Variants in KIAA1191 observed in about 807,000 individuals in gnomAD.
KIAA1191 encodes putative monooxygenase p33MONOX.
Under a neutral mutation model 31.1 loss-of-function variants are expected in KIAA1191, and 22 were observed. The observed-to-expected ratio is 0.71, with a 90% CI of 0.51 to 1.01. The LOEUF is 1.01. Ranked by LOEUF, KIAA1191 falls within the 50% of genes least tolerant of loss-of-function variation. The pLI is 0.00. For synonymous variants in KIAA1191, 130 were observed against 143.9 expected, an observed-to-expected ratio of 0.90 and a Z score of 0.69; for missense variants, 319 against 388.0, an observed-to-expected ratio of 0.82 and a Z score of 1.49.
At position 176,355,727 on chromosome 5, in the gene KIAA1191, T is replaced by TAG; in HGVS notation, c.49_50dup (p.Gly18Ter). 1 of 1,614,022 alleles carries TAG rather than the reference T, an allele frequency of 6.2e-7. No individual in the cohort carries two copies. The highest frequency in any genetic ancestry group is 8.5e-7 in the Non-Finnish European group (1 of 1,180,038). On this transcript the variant is annotated frameshift_variant, in exon 4 of 9. Transcript: ENST00000298569. LOFTEE classifies it high-confidence loss of function. This position sits in a 1 kb window ranked among gnomAD's most constrained non-coding sequence, Gnocchi z 4.2. ...TCCCGATGGGCAGGGACATCTTGCC[T>TAG]AGAGGCGCACTAGCCTCAAGAGCTA...
At chr5:176,358,129 C>T (rs1440702038) in intron 3 of KIAA1191, among the ~76,000 whole-genome samples, 1 of 152,080 alleles carries the variant, frequency 6.6e-6, no homozygotes, top group Non-Finnish European at 1.5e-5. Context: ...GTCAATAACC[C>T]AGAACTTGAC....
At chr5:176,350,230 A>C (rs1766865779) in intron 6 of KIAA1191, among the ~76,000 whole-genome samples, 1 of 152,244 alleles carries the variant, frequency 6.6e-6, no homozygotes, top group African/African-American at 2.4e-5. Flanking sequence ...ATTAACCCTT[A>C]CCAAAATTCT....
Position 176,352,651 on chromosome 5 carries a change from G to T in KIAA1191, c.305C>A (p.Thr102Asn). 6.2e-7 allele frequency: 1 copy of T among 1,613,944 alleles called. No individual in the cohort carries two copies. The highest frequency in any genetic ancestry group is 8.5e-7 in the Non-Finnish European group (1 of 1,179,886). Residue 102 changes from threonine (T) to asparagine (N), a missense_variant, in exon 5 of 9, where the codon ACC becomes AAC. Transcript: ENST00000298569. ...DKVPVVKAKA[T>N]HVIMNSLITK... ...GATCAGAGAATTCATGATGACATGG[G>T]TAGCTTTAGCCTTCACCACTGGGAC...
At chr5:176,358,886 C>T (rs1033053576) in intron 3 of KIAA1191, among the ~76,000 whole-genome samples, 1 of 151,984 alleles carries the variant, frequency 6.6e-6, no homozygotes, top group Admixed American at 6.6e-5. Flanking sequence ...AAATCGAGAC[C>T]ATCCTGGCTA....
Position 176,355,431 on chromosome 5 carries a change from C to G in KIAA1191, c.207+140G>C. 1.5e-6 allele frequency: 1 copy of G among 679,316 alleles called. No individual in the cohort carries two copies. 42.1% of individuals were successfully genotyped at this position (679,316 alleles called of 1,614,324 possible). A position where few individuals can be genotyped will look rare whatever the true frequency, so the allele number is the denominator to read the frequency against. On this transcript the variant is annotated intron_variant, in intron 4 of 8. Coordinates refer to ENST00000298569, the MANE Select transcript of KIAA1191 (RefSeq NM_020444.5). The surrounding 1 kb of genome is among the most constrained non-coding windows in gnomAD (Gnocchi z 4.2). ...AATCTTAAAAAAAAAAAAAAGACAG[C>G]TATAACTGAGGCACAGAAAACACAT...
At chr5:176,353,304 C>A (rs1000524989) in intron 4 of KIAA1191, 41 of 152,326 alleles carry the variant, frequency 2.7e-4, no homozygotes, top group African/African-American at 9.7e-4. Context: ...GACCACTGCT[C>A]CCAAGGTTCA....
chr5:176,351,971 T>A (rs759839316), intron 5 of KIAA1191, among the ~76,000 whole-genome samples: 3 of 152,034 alleles, frequency 2.0e-5, no homozygotes, highest in Non-Finnish European at 4.4e-5. Flanking sequence ...TGTATCTAAT[T>A]GTTAACTTCC....
At chr5:176,353,984 A>C (rs1037509468) in intron 4 of KIAA1191, among the ~76,000 whole-genome samples, 1 of 152,234 alleles carries the variant, frequency 6.6e-6, no homozygotes, top group African/African-American at 2.4e-5. Context: ...GATAGAGGGA[A>C]TATCCCCCAG....
chr5:176,348,187 C>T lies in KIAA1191; in HGVS notation c.566+63G>A, dbSNP rs1164224341. The T allele has an allele frequency of 4.4e-6, 7 of 1,597,390 alleles. No individual in the cohort carries two copies. The East Asian group carries it at 1.6e-4, about 36-fold the overall frequency. Reference sequence around the variant, plus strand: ...GAAACCACAGGCTTAAATACAACCTCATCTGCCACACTAGCTTTCCTGAAG... The same window carrying T: ...GAAACCACAGGCTTAAATACAACCTTATCTGCCACACTAGCTTTCCTGAAG... On this transcript the variant is annotated intron_variant, in intron 7 of 8. Coordinates refer to ENST00000298569, the MANE Select transcript of KIAA1191 (RefSeq NM_020444.5).
chr5:176,360,630 A>G lies in KIAA1191; in HGVS notation c.-167-712T>C, dbSNP rs547925995. 3.0e-3 allele frequency among the ~76,000 whole-genome samples: 458 copies of G among 151,350 alleles called. 3 individuals are homozygous for G. Among genetic ancestry groups the G allele is most frequent in the Admixed American group, 6.2e-3 (94 of 15,210 alleles). On this transcript the variant is annotated intron_variant, in intron 1 of 8. Coordinates refer to ENST00000298569, the MANE Select transcript of KIAA1191 (RefSeq NM_020444.5). The stretch of plus-strand genomic sequence containing the variant: ...AGCCTGGCCAACATGGTGAAACCCC[A>G]TCTCTACTAAAAATACAAAAATTAG...
chr5:176,350,863 G>T, intron 5 of KIAA1191, 126 bp from the exon 6 acceptor site: 2 of 1,194,694 alleles, frequency 1.7e-6, no homozygotes, highest in Non-Finnish European at 2.3e-6. Context: ...AAGAAGAGGA[G>T]ACTTTCCCCA....
At position 176,361,701 on chromosome 5, in the gene KIAA1191, C is replaced by T. The variant is rs1194117145; in HGVS notation, c.-267G>A. 6.6e-6 allele frequency: 1 copy of T among 152,384 alleles called. No homozygotes were observed. Among genetic ancestry groups the T allele is most frequent in the East Asian group, 1.9e-4 (1 of 5,204 alleles). 9.4% of individuals were successfully genotyped at this position (152,384 alleles called of 1,614,324 possible). A position where few individuals can be genotyped will look rare whatever the true frequency, so the allele number is the denominator to read the frequency against. On this transcript the variant is annotated 5_prime_UTR_variant, in exon 1 of 9. Transcript: ENST00000298569. This position sits in a 1 kb window ranked among gnomAD's most constrained non-coding sequence, Gnocchi z 4.0. ...CCGAGAGGCTGTGGCGCAGTCTGGACCCAAGCCATTGTGAGAGCGGCGGCG... is the reference window on the plus strand; with the variant it reads ...CCGAGAGGCTGTGGCGCAGTCTGGATCCAAGCCATTGTGAGAGCGGCGGCG...
intron 5 of KIAA1191, among the ~76,000 whole-genome samples, chr5:176,351,742 A>G (rs557283415): frequency 6.6e-6 from 1 of 151,836 alleles, no homozygotes; most frequent in African/African-American, 2.4e-5. Flanking sequence ...TGGGTGACAG[A>G]GTGAGACTCT....
At chr5:176,360,619 G>T (rs990943926) in intron 1 of KIAA1191, among the ~76,000 whole-genome samples, 1 of 151,588 alleles carries the variant, frequency 6.6e-6, no homozygotes, top group Non-Finnish European at 1.5e-5. Flanking sequence ...TGGCCAACAT[G>T]GTGAAACCCC....
Position 176,347,518 on chromosome 5 carries a change from T to C in KIAA1191, c.*82A>G, listed in dbSNP as rs1202875057. ...GCCCAGCTGATTAAGTTTTTAAATA[T>C]ACCTTTCCTATGTCAAAGCCAAGGT... On this transcript the variant is annotated 3_prime_UTR_variant, in exon 9 of 9. Transcript: ENST00000298569. 4.0e-5 allele frequency: 47 copies of C among 1,177,238 alleles called. No homozygotes were observed. Among genetic ancestry groups the C allele is most frequent in the Admixed American group, 7.9e-5 (3 of 37,766 alleles). The allele number at this position is 1,177,238 out of a possible 1,614,324, so 72.9% of individuals were successfully genotyped here.
At chr5:176,353,287 C>A (rs1016008462) in intron 4 of KIAA1191, 1 of 152,350 alleles carries the variant, frequency 6.6e-6, no homozygotes, top group Non-Finnish European at 1.5e-5. Context: ...CAAGACCACA[C>A]CTTGAGGACC....
chr5:176,347,997 T>C lies in KIAA1191; in HGVS notation c.633A>G (p.Gly211=). Residue 211 remains glycine, a synonymous_variant, in exon 8 of 9, where the codon GGA becomes GGG. Coordinates refer to ENST00000298569, the MANE Select transcript of KIAA1191 (RefSeq NM_020444.5). ...ACAAGTTTCTGTCCTTATCCCCACT[T>C]CCAGAGTCCATGGTGCTAGGATTTG... ...PGPNPSTMDS[G]SGDKDRNLSD... The C allele has an allele frequency of 6.2e-7, 1 of 1,614,028 alleles. No individual in the cohort carries two copies. Among genetic ancestry groups the C allele is most frequent in the Admixed American group, 1.7e-5 (1 of 60,014 alleles).
In KIAA1191 at chr5:176,355,426, G is replaced by A; in HGVS notation, c.207+145C>T. The A allele has an allele frequency of 1.6e-5, 10 of 616,024 alleles. No individual in the cohort carries two copies. The highest frequency in any genetic ancestry group is 5.9e-5 in the East Asian group (2 of 34,142). The allele number at this position is 616,024 out of a possible 1,614,324, so 38.2% of individuals were successfully genotyped here. ...AATAAAATCTTAAAAAAAAAAAAAAGACAGCTATAACTGAGGCACAGAAAA... is the reference window on the plus strand; with the variant it reads ...AATAAAATCTTAAAAAAAAAAAAAAAACAGCTATAACTGAGGCACAGAAAA... On this transcript the variant is annotated intron_variant, in intron 4 of 8. Transcript: ENST00000298569. This position sits in a 1 kb window ranked among gnomAD's most constrained non-coding sequence, Gnocchi z 4.2.
rs1489517211 is a variant in KIAA1191 at position 176,355,024 on chromosome 5, T to C, written c.207+547A>G. ...CAAACATCCTAAACAATCAGGGCAG[T>C]GTGAGCCAAAAACTGACAGGCAGAA... On this transcript the variant is annotated intron_variant, in intron 4 of 8. Transcript: ENST00000298569. This position sits in a 1 kb window ranked among gnomAD's most constrained non-coding sequence, Gnocchi z 4.2. Among the ~76,000 whole-genome samples, 2 of 152,106 alleles carry C rather than the reference T, an allele frequency of 1.3e-5. No individual in the cohort carries two copies. Among genetic ancestry groups the C allele is most frequent in the African/African-American group, 4.8e-5 (2 of 41,398 alleles).
Sources: gnomAD v4.1 joint callset for allele counts (sites outside exome capture counted in the v4.1 genomes callset) on GRCh38, gnomAD v4.1.1 for gene constraint, Gnocchi (gnomAD v3.1) non-coding constraint, MANE v1.5 for transcripts, NCBI Gene and HGNC (gene_info 2026-07-23, HGNC 2026-07-21) for gene names.